Variants in LRMDA observed in about 807,000 individuals in gnomAD.
LRMDA encodes leucine-rich melanocyte differentiation-associated protein.
A neutral mutation model predicts 29.8 loss-of-function variants in LRMDA; 18 were observed. The observed-to-expected ratio is 0.60, with a 90% CI of 0.42 to 0.90. The LOEUF (loss-of-function observed/expected upper bound fraction) is 0.90. Ranked by LOEUF, LRMDA falls within the 40% of genes least tolerant of loss-of-function variation. The pLI is 0.00. For missense variants in LRMDA, 273 were observed against 273.9 expected (o/e 1.00, Z 0.02); for synonymous variants, 125 against 109.4 (o/e 1.14, Z -0.89).
At chr10:76,044,902 G>A (rs4746352) in intron 3 of LRMDA, among the ~76,000 whole-genome samples, 63,810 of 151,970 alleles carry the variant, frequency 0.42, 14,199 homozygotes, top group Non-Finnish European at 0.46. Context: ...TTCCCCTCTT[G>A]CTAGTTTCCC....
At chr10:76,045,782 CTG>C (rs1421773747) in intron 3 of LRMDA, among the ~76,000 whole-genome samples, 9 of 152,020 alleles carry the variant, frequency 5.9e-5, no homozygotes, top group African/African-American at 2.2e-4. Context: ...GAAAGGAAAA[CTG>C]TTATGGTTGT....
intron 6 of LRMDA, among the ~76,000 whole-genome samples, chr10:76,513,837 G>A (rs1281003772): frequency 1.3e-5 from 2 of 152,144 alleles, no homozygotes; most frequent in Non-Finnish European, 2.9e-5. Context: ...ATGTGTGAAT[G>A]AACTGTTCCT....
At chr10:76,075,585 A>G (rs1325747308) in intron 5 of LRMDA, among the ~76,000 whole-genome samples, 1 of 152,246 alleles carries the variant, frequency 6.6e-6, no homozygotes, top group African/African-American at 2.4e-5. Flanking sequence ...TTTGGTAAAC[A>G]TTGAGCCAGC....
Position 75,790,161 on chromosome 10 carries a change from GT to G in LRMDA, c.132-245845del, listed in dbSNP as rs1238389889. On this transcript the variant is annotated intron_variant, in intron 2 of 6. Coordinates refer to ENST00000611255, the MANE Select transcript of LRMDA (RefSeq NM_001305581.2). ...GACATTTTTGGCTGGATAATTCTGT[GT>G]TGTGGGGGCCGTCCTGTGCATTGTA... Among the ~76,000 whole-genome samples, 17 of 152,236 alleles carry G rather than the reference GT, an allele frequency of 1.1e-4. No homozygotes were observed. In the South Asian group the frequency reaches 3.3e-3, roughly 30 times the overall value.
chr10:75,934,168 A>G (rs1846249178), intron 2 of LRMDA, among the ~76,000 whole-genome samples: 1 of 152,212 alleles, frequency 6.6e-6, no homozygotes, highest in Admixed American at 6.5e-5. Flanking sequence ...AAAGTGAAAT[A>G]TGAGTGAATG....
intron 2 of LRMDA, among the ~76,000 whole-genome samples, chr10:75,648,874 G>A (rs890068601): frequency 1.3e-5 from 2 of 152,132 alleles, no homozygotes; most frequent in African/African-American, 4.8e-5. Context: ...TGAAGAAACA[G>A]ATGTTCTGAG....
At chr10:75,872,952 C>G (rs544309183) in intron 2 of LRMDA, among the ~76,000 whole-genome samples, 58 of 152,108 alleles carry the variant, frequency 3.8e-4, no homozygotes, top group African/African-American at 1.3e-3. Flanking sequence ...GAATCCAGTA[C>G]CTTGCTCAAT....
chr10:76,318,854 T>C (rs886654661), intron 5 of LRMDA: 1 of 152,268 alleles, frequency 6.6e-6, no homozygotes. Flanking sequence ...TCTTTACTTT[T>C]GGATTCTGGC....
chr10:75,750,053 G>A (rs1468560040), intron 2 of LRMDA, among the ~76,000 whole-genome samples: 2 of 152,218 alleles, frequency 1.3e-5, no homozygotes, highest in Non-Finnish European at 2.9e-5. Flanking sequence ...GTAACAATCT[G>A]ATTTCTCTTT....
At chr10:75,481,027 G>C (rs1299247679) in intron 2 of LRMDA, among the ~76,000 whole-genome samples, 6 of 152,138 alleles carry the variant, frequency 3.9e-5, no homozygotes, top group Admixed American at 3.9e-4. Context: ...AGGATGGAGG[G>C]GATGAGGGGC....
At chr10:76,290,752 G>A (rs2082856) in intron 5 of LRMDA, among the ~76,000 whole-genome samples, 4,535 of 152,166 alleles carry the variant, frequency 0.03, 192 homozygotes, top group African/African-American at 0.093. Flanking sequence ...TGGTGGTTAG[G>A]TGGACATTTC....
chr10:75,568,258 C>G (rs1415853252), intron 2 of LRMDA, among the ~76,000 whole-genome samples: 1 of 152,134 alleles, frequency 6.6e-6, no homozygotes, highest in Non-Finnish European at 1.5e-5. Flanking sequence ...ATGTTTTGCT[C>G]ATAGTGTGTG....
chr10:76,378,744 T>C (rs1351397467), intron 6 of LRMDA, among the ~76,000 whole-genome samples: 1 of 152,166 alleles, frequency 6.6e-6, no homozygotes, highest in African/African-American at 2.4e-5. Context: ...TGATATATTA[T>C]GTTTTTGATG....
intron 2 of LRMDA, among the ~76,000 whole-genome samples, chr10:75,945,422 T>C (rs1052931488): frequency 1.3e-5 from 2 of 152,220 alleles, no homozygotes; most frequent in Admixed American, 1.3e-4. Context: ...CCAACTGTTC[T>C]GCCAGTGGCA....
rs542189553 is a variant in LRMDA, at chr10:75,522,107, G to A, written c.131+83613G>A. Among the ~76,000 whole-genome samples, 6 of 152,310 alleles carry A rather than the reference G, an allele frequency of 3.9e-5. No individual in the cohort carries two copies. In the South Asian group the frequency reaches 6.2e-4, roughly 16 times the overall value. On this transcript the variant is annotated intron_variant, in intron 2 of 6. Coordinates refer to ENST00000611255, the MANE Select transcript of LRMDA (RefSeq NM_001305581.2). ...AGTAATAAAAAGTGATTGCTAATCC[G>A]TGTACAGCACCCCTCTTGAAGCAGG...
At chr10:76,357,540 T>C (rs1480028217) in intron 6 of LRMDA, among the ~76,000 whole-genome samples, 2 of 152,230 alleles carry the variant, frequency 1.3e-5, no homozygotes, top group African/African-American at 4.8e-5. Flanking sequence ...CCTATCTGCA[T>C]ATTTTTAGAG....
intron 5 of LRMDA, among the ~76,000 whole-genome samples, chr10:76,174,008 A>G (rs576789700): frequency 3.3e-4 from 51 of 152,268 alleles, no homozygotes; most frequent in African/African-American, 1.2e-3. Flanking sequence ...GAATCTTCCC[A>G]CAAACAAAAC....
intron 6 of LRMDA, among the ~76,000 whole-genome samples, chr10:76,448,985 T>C (rs763258865): frequency 2.6e-5 from 4 of 151,986 alleles, no homozygotes. Flanking sequence ...TCCCCAGATT[T>C]ATTTCATCTT....
chr10:75,788,671 T>A (rs1843515357), intron 2 of LRMDA, among the ~76,000 whole-genome samples: 1 of 152,362 alleles, frequency 6.6e-6, no homozygotes, highest in East Asian at 1.9e-4. Flanking sequence ...GAGAGCTGTT[T>A]GTTAACCATT....
Sources: gnomAD v4.1 joint callset for allele counts (sites outside exome capture counted in the v4.1 genomes callset) on GRCh38, gnomAD v4.1.1 for gene constraint, MANE v1.5 for transcripts, NCBI Gene and HGNC (gene_info 2026-07-23, HGNC 2026-07-21) for gene names.